GRID2: variants seen among roughly 807,000 people sequenced by gnomAD.
The protein encoded by GRID2 is glutamate ionotropic receptor delta type subunit 2, also known as glutamate receptor ionotropic, delta-2.
In GRID2, 33 loss-of-function variants were observed where a neutral mutation model predicts 114.8. The ratio of observed to expected loss-of-function variants is 0.29; its 90% CI spans 0.22 to 0.38. GRID2 has a LOEUF of 0.38. GRID2 is among the 10% of genes least tolerant of loss of function. The probability of loss-of-function intolerance (pLI) is 1.00; values close to 1 mark genes in which losing one functional copy is unlikely to be tolerated. For missense variants in GRID2, 1,184 were observed against 1,257.7 expected, an observed-to-expected ratio of 0.94 and a Z score of 0.89; for synonymous variants, 505 against 449.9, an observed-to-expected ratio of 1.12 and a Z score of -1.55.
At chr4:93,058,176 T>C (rs1025094603) in intron 2 of GRID2, among the ~76,000 whole-genome samples, 1 of 151,890 alleles carries the variant, frequency 6.6e-6, no homozygotes, top group Admixed American at 6.6e-5. Flanking sequence ...ACTGGAATAA[T>C]AAACTAACAA....
At chr4:92,448,959 A>G (rs549831221) in intron 1 of GRID2, among the ~76,000 whole-genome samples, 4 of 152,230 alleles carry the variant, frequency 2.6e-5, no homozygotes, top group African/African-American at 9.6e-5. Context: ...CATATTGCTC[A>G]TGTAATAGAT....
chr4:93,142,711 T>G (rs1042289360), intron 4 of GRID2, among the ~76,000 whole-genome samples: 1 of 152,212 alleles, frequency 6.6e-6, no homozygotes, highest in Non-Finnish European at 1.5e-5. Flanking sequence ...TTCATGCTAT[T>G]CAACCACGTC....
At chr4:92,384,555 TTA>T (rs1286127806) in intron 1 of GRID2, among the ~76,000 whole-genome samples, 2 of 50,216 alleles carry the variant, frequency 4.0e-5, no homozygotes, top group African/African-American at 7.9e-5. Flanking sequence ...ATAATATATA[TTA>T]TATATAATAT....
At chr4:93,371,172 A>G (rs1190538013) in intron 8 of GRID2, among the ~76,000 whole-genome samples, 3 of 152,194 alleles carry the variant, frequency 2.0e-5, no homozygotes, top group Non-Finnish European at 4.4e-5. Context: ...AAAGGAAATC[A>G]TATTTGTTGA....
At chr4:92,486,460 A>C (rs1722892109) in intron 1 of GRID2, among the ~76,000 whole-genome samples, 1 of 151,856 alleles carries the variant, frequency 6.6e-6, no homozygotes, top group Admixed American at 6.6e-5. Flanking sequence ...TGACATAGAA[A>C]ACCAGATTAA....
chr4:92,782,538 G>A (rs1031089293), intron 2 of GRID2, among the ~76,000 whole-genome samples: 1 of 152,076 alleles, frequency 6.6e-6, no homozygotes, highest in Non-Finnish European at 1.5e-5. Context: ...TGCTATGTAT[G>A]TTAGCATTAG....
At chr4:93,591,687 G>C (rs982581602) in intron 13 of GRID2, among the ~76,000 whole-genome samples, 3 of 151,866 alleles carry the variant, frequency 2.0e-5, no homozygotes, top group Non-Finnish European at 4.4e-5. Context: ...ATCTGGTCCT[G>C]GACTCTTTTT....
chr4:92,531,634 A>G (rs1054876357), intron 1 of GRID2, among the ~76,000 whole-genome samples: 50 of 152,118 alleles, frequency 3.3e-4, no homozygotes, highest in African/African-American at 9.4e-4. Context: ...ATTTAAAGAA[A>G]TTTTAGAGGA....
intron 2 of GRID2, among the ~76,000 whole-genome samples, chr4:92,610,679 T>G (rs1190107178): frequency 6.6e-6 from 1 of 151,706 alleles, no homozygotes; most frequent in Non-Finnish European, 1.5e-5. Flanking sequence ...AAAATCCATT[T>G]GTAGAACTTT....
chr4:92,887,677 A>C (rs1456951945), intron 2 of GRID2, among the ~76,000 whole-genome samples: 1 of 152,206 alleles, frequency 6.6e-6, no homozygotes, highest in Non-Finnish European at 1.5e-5. Context: ...CAGTTTTGAC[A>C]AAGATCTTTT....
At chr4:92,439,496 G>T (rs879011484) in intron 1 of GRID2, among the ~76,000 whole-genome samples, 2 of 151,988 alleles carry the variant, frequency 1.3e-5, no homozygotes. Flanking sequence ...TATGGAGAGA[G>T]AATGGGCGAT....
At chr4:93,353,171 C>T (rs1477527891) in intron 8 of GRID2, among the ~76,000 whole-genome samples, 1 of 151,942 alleles carries the variant, frequency 6.6e-6, no homozygotes, top group African/African-American at 2.4e-5. Flanking sequence ...TGAGCGTGGA[C>T]TTCCATGGTT....
intron 1 of GRID2, among the ~76,000 whole-genome samples, chr4:93,792,736 A>G (rs775157965): frequency 7.9e-5 from 12 of 152,238 alleles, no homozygotes; most frequent in Non-Finnish European, 1.5e-4. Context: ...AGAACACATC[A>G]GAAAGAGGCC....
At chr4:93,319,186 A>T (rs560687053) in intron 8 of GRID2, among the ~76,000 whole-genome samples, 1 of 152,230 alleles carries the variant, frequency 6.6e-6, no homozygotes, top group East Asian at 1.9e-4. Flanking sequence ...AATGCTAGCC[A>T]TTCAAAATGT....
intron 2 of GRID2, among the ~76,000 whole-genome samples, chr4:93,000,899 A>C (rs1173593913): frequency 6.6e-6 from 1 of 151,604 alleles, no homozygotes; most frequent in Non-Finnish European, 1.5e-5. Flanking sequence ...AGTAATACAC[A>C]ATACACCCAT....
chr4:93,562,273 A>T (rs896274439), intron 13 of GRID2, among the ~76,000 whole-genome samples: 1 of 151,820 alleles, frequency 6.6e-6, no homozygotes, highest in Non-Finnish European at 1.5e-5. Flanking sequence ...TTCCCTGATG[A>T]TATACGATGT....
chr4:92,794,903 TATAC>T (rs1340578306), intron 2 of GRID2, among the ~76,000 whole-genome samples: 6 of 134,212 alleles, frequency 4.5e-5, no homozygotes, highest in South Asian at 2.4e-4. Context: ...TATATATATA[TATAC>T]ACACACACAC....
At chr4:93,422,186 A>C (rs1397641492) in intron 9 of GRID2, among the ~76,000 whole-genome samples, 1 of 152,210 alleles carries the variant, frequency 6.6e-6, no homozygotes. Flanking sequence ...CAGTTTATTG[A>C]AAAGGTAAGT....
chr4:92,842,378 T>G (rs550228095), intron 2 of GRID2, among the ~76,000 whole-genome samples: 1 of 152,298 alleles, frequency 6.6e-6, no homozygotes, highest in South Asian at 2.1e-4. Context: ...TCCTACAATG[T>G]GGTAGTTATT....
Sources: allele counts gnomAD v4.1 joint callset (sites outside exome capture counted in the v4.1 genomes callset), GRCh38; gene constraint gnomAD v4.1.1; transcripts MANE v1.5; gene names NCBI Gene and HGNC (gene_info 2026-07-23, HGNC 2026-07-21).